The following PAK5 variants were observed in gnomAD, a reference collection of about 807,000 sequenced individuals.
PAK5 encodes p21 (RAC1) activated kinase 5.
In PAK5, 16 loss-of-function variants were observed where a neutral mutation model predicts 65.9. That is an observed-to-expected ratio of 0.24 (90% CI 0.16 to 0.37). The LOEUF (loss-of-function observed/expected upper bound fraction) is 0.37. PAK5 is among the 10% of genes least tolerant of loss of function. PAK5 has a pLI of 1.00. For missense variants in PAK5, 785 were observed against 903.9 expected, an observed-to-expected ratio of 0.87 and a Z score of 1.69; for synonymous variants, 371 against 354.9, an observed-to-expected ratio of 1.05 and a Z score of -0.51.
rs78690791 is a variant in PAK5 at position 9,825,519 on chromosome 20, C to T, written c.-162+13243G>A. 7.3e-3 allele frequency among the ~76,000 whole-genome samples: 1,113 copies of T among 152,108 alleles called. 14 individuals carry two copies. Among genetic ancestry groups the T allele is most frequent in the African/African-American group, 0.025 (1,056 of 41,506 alleles). ...TATGAAATATGATACCATCCTTTTG[C>T]GTTTTGATAATCCCTACCTCCAGCA... On this transcript the variant is annotated intron_variant, in intron 1 of 9. Transcript: ENST00000353224.
chr20:9,551,777 G>A (rs530464021), intron 7 of PAK5, among the ~76,000 whole-genome samples: 2 of 152,164 alleles, frequency 1.3e-5, no homozygotes, highest in Non-Finnish European at 1.5e-5. Flanking sequence ...AGCTTCCTGG[G>A]TACCACGTAG....
At chr20:9,727,076 G>A (rs1191233150) in intron 1 of PAK5, among the ~76,000 whole-genome samples, 1 of 151,892 alleles carries the variant, frequency 6.6e-6, no homozygotes, top group Non-Finnish European at 1.5e-5. Context: ...TTGAATACAG[G>A]GAATATCAAA....
intron 1 of PAK5, among the ~76,000 whole-genome samples, chr20:9,802,924 A>ATATATATATATATATATATATATG: frequency 7.5e-6 from 1 of 133,700 alleles, no homozygotes; most frequent in Non-Finnish European, 1.6e-5. Context: ...ATATATATAT[A>ATATATATATATATATATATATATG]TATATATATG....
At chr20:9,728,294 A>C (rs2048298797) in intron 1 of PAK5, among the ~76,000 whole-genome samples, 1 of 152,152 alleles carries the variant, frequency 6.6e-6, no homozygotes, top group African/African-American at 2.4e-5. Context: ...CAGAATCACG[A>C]GAAATAAATT....
intron 2 of PAK5, among the ~76,000 whole-genome samples, chr20:9,693,955 C>T (rs2047832432): frequency 6.6e-6 from 1 of 151,636 alleles, no homozygotes; most frequent in African/African-American, 2.4e-5. Flanking sequence ...TTATTCAAAT[C>T]TCATGGTCTA....
intron 2 of PAK5, among the ~76,000 whole-genome samples, chr20:9,652,183 G>A (rs1394193612): frequency 6.6e-6 from 1 of 152,090 alleles, no homozygotes; most frequent in Non-Finnish European, 1.5e-5. Context: ...CTTCACTTAC[G>A]GGAGAAAGGT....
chr20:9,802,910 G>GTGTGTATATATATATA (rs142279832), intron 1 of PAK5, among the ~76,000 whole-genome samples: 1,923 of 46,336 alleles, frequency 0.042, 108 homozygotes, highest in Non-Finnish European at 0.054. Flanking sequence ...ATATGTATGT[G>GTGTGTATATATATATA]TATATATATA....
chr20:9,661,995 A>G (rs1355331751), intron 2 of PAK5, among the ~76,000 whole-genome samples: 2 of 152,150 alleles, frequency 1.3e-5, no homozygotes, highest in African/African-American at 4.8e-5. Context: ...CCTGGAAGAC[A>G]GAAGGCCCTT....
At chr20:9,693,982 T>A (rs1056920835) in intron 2 of PAK5, among the ~76,000 whole-genome samples, 1 of 150,832 alleles carries the variant, frequency 6.6e-6, no homozygotes, top group Non-Finnish European at 1.5e-5. Context: ...CTGCCTATCA[T>A]CAAGGTCCTT....
intron 2 of PAK5, among the ~76,000 whole-genome samples, chr20:9,704,114 T>C (rs541858010): frequency 2.0e-4 from 31 of 152,124 alleles, no homozygotes; most frequent in Admixed American, 6.6e-4. Flanking sequence ...ATTCCGAACA[T>C]GGCCCTGAGT....
chr20:9,760,005 G>A (rs775285583), intron 1 of PAK5, among the ~76,000 whole-genome samples: 1 of 152,146 alleles, frequency 6.6e-6, no homozygotes, highest in African/African-American at 2.4e-5. Context: ...GTCACCCTAC[G>A]CTAATGTTTT....
chr20:9,640,719 G>A (rs376168986), intron 3 of PAK5, among the ~76,000 whole-genome samples: 83 of 152,180 alleles, frequency 5.5e-4, no homozygotes, highest in African/African-American at 1.8e-3. Flanking sequence ...TGGTGTGTTC[G>A]TGGTCTCGCT....
At chr20:9,784,326 T>C (rs2123704847) in intron 1 of PAK5, 1 of 152,280 alleles carries the variant, frequency 6.6e-6, no homozygotes, top group Non-Finnish European at 1.5e-5. Flanking sequence ...TTTGAATATA[T>C]ATATTTGAAT....
chr20:9,583,648 A>G (rs561873786), intron 3 of PAK5, among the ~76,000 whole-genome samples: 1 of 152,218 alleles, frequency 6.6e-6, no homozygotes, highest in Non-Finnish European at 1.5e-5. Context: ...AACTACGTAC[A>G]TTAATTAACT....
chr20:9,603,404 C>G (rs2046394628), intron 3 of PAK5, among the ~76,000 whole-genome samples: 1 of 152,196 alleles, frequency 6.6e-6, no homozygotes, highest in African/African-American at 2.4e-5. Flanking sequence ...TCCATTCATT[C>G]CACCTCATTC....
chr20:9,626,594 G>T (rs1386325142), intron 3 of PAK5, among the ~76,000 whole-genome samples: 2 of 152,188 alleles, frequency 1.3e-5, no homozygotes, highest in Non-Finnish European at 2.9e-5. Flanking sequence ...GAGGGTGAGG[G>T]TGTGGTATCC....
chr20:9,693,743 A>C (rs2047829435), intron 2 of PAK5, among the ~76,000 whole-genome samples: 1 of 152,164 alleles, frequency 6.6e-6, no homozygotes, highest in African/African-American at 2.4e-5. Flanking sequence ...CTTTATAAAG[A>C]TACGCATTAC....
At chr20:9,699,093 C>T (rs2047905875) in intron 2 of PAK5, among the ~76,000 whole-genome samples, 1 of 152,146 alleles carries the variant, frequency 6.6e-6, no homozygotes, top group African/African-American at 2.4e-5. Context: ...ACAATGCCCT[C>T]CTCTGCATCC....
At chr20:9,546,623 A>C (rs1212733396) in intron 7 of PAK5, among the ~76,000 whole-genome samples, 1 of 152,210 alleles carries the variant, frequency 6.6e-6, no homozygotes, top group Non-Finnish European at 1.5e-5. Flanking sequence ...ACCGAAGAGA[A>C]AGACATCAAG....
Sources: allele counts gnomAD v4.1 joint callset (sites outside exome capture counted in the v4.1 genomes callset), GRCh38; gene constraint gnomAD v4.1.1; transcripts MANE v1.5; gene names NCBI Gene and HGNC (gene_info 2026-07-23, HGNC 2026-07-21).